FOXN3: variants seen among roughly 807,000 people sequenced by gnomAD.
FOXN3 encodes forkhead box N3.
FOXN3 carries 7 observed loss-of-function variants against 38.4 expected under a neutral mutation model. The ratio of observed to expected loss-of-function variants is 0.18; its 90% CI spans 0.10 to 0.34. The LOEUF (loss-of-function observed/expected upper bound fraction) is 0.34, where lower values mean the gene tolerates loss of function less well. Among genes scored for constraint, FOXN3 ranks in the 10% least tolerant of loss-of-function variants. The pLI is 1.00. For missense variants in FOXN3, 456 were observed against 613.4 expected (o/e 0.74, Z 2.71); for synonymous variants, 230 against 242.2 (o/e 0.95, Z 0.47).
chr14:89,419,941 G>A (rs1891856863), upstream of FOXN3: 1 of 152,292 alleles, frequency 6.6e-6, no homozygotes, highest in Non-Finnish European at 1.5e-5. Flanking sequence ...AAAATAGGAA[G>A]AGTCCGAGGC....
intron 2 of FOXN3, among the ~76,000 whole-genome samples, chr14:89,396,349 A>G (rs1401706901): frequency 2.6e-5 from 4 of 152,246 alleles, no homozygotes; most frequent in Admixed American, 1.3e-4. Context: ...AAAGAGCATC[A>G]GGCCAAGGGG....
chr14:89,168,621 C>A (rs150073531), intron 5 of FOXN3, among the ~76,000 whole-genome samples: 1 of 152,136 alleles, frequency 6.6e-6, no homozygotes, highest in South Asian at 2.1e-4. Flanking sequence ...TTGGATGAGA[C>A]GGAACACAGA....
intron 3 of FOXN3, among the ~76,000 whole-genome samples, chr14:89,302,752 G>A (rs1273601133): frequency 6.6e-6 from 1 of 152,190 alleles, no homozygotes; most frequent in Non-Finnish European, 1.5e-5. Flanking sequence ...TCGGGTCTGA[G>A]AAGGTATGCT....
chr14:89,441,254 G>T (rs1332548068), intron 1 of FOXN3, among the ~76,000 whole-genome samples: 1 of 152,070 alleles, frequency 6.6e-6, no homozygotes, highest in East Asian at 1.9e-4. Flanking sequence ...CTTTGTGACT[G>T]AAGAACTCCC....
intron 4 of FOXN3, among the ~76,000 whole-genome samples, chr14:89,278,219 G>A (rs979986530): frequency 1.5e-4 from 23 of 152,154 alleles, no homozygotes; most frequent in Non-Finnish European, 2.6e-4. Context: ...CTTACATGGC[G>A]ACAGACAAGG....
At chr14:89,416,409 G>A (rs1891725706) in intron 1 of FOXN3, among the ~76,000 whole-genome samples, 1 of 152,222 alleles carries the variant, frequency 6.6e-6, no homozygotes, top group South Asian at 2.1e-4. Flanking sequence ...GGCCCAAGGA[G>A]GGTTTCAAAC....
chr14:89,525,118 T>C (rs762544693), intron 1 of FOXN3, among the ~76,000 whole-genome samples: 4 of 152,114 alleles, frequency 2.6e-5, no homozygotes, highest in African/African-American at 4.8e-5. Context: ...CAAGTCCATC[T>C]TGAATAGGGG....
At chr14:89,511,911 T>A (rs1894101996) in intron 1 of FOXN3, among the ~76,000 whole-genome samples, 1 of 152,170 alleles carries the variant, frequency 6.6e-6, no homozygotes, top group African/African-American at 2.4e-5. Context: ...TCAGATCTCA[T>A]GAGCACTCAC....
chr14:89,231,509 C>A (rs894637840), intron 4 of FOXN3, among the ~76,000 whole-genome samples: 4 of 151,962 alleles, frequency 2.6e-5, no homozygotes, highest in African/African-American at 9.7e-5. Flanking sequence ...GGGTCTCGGT[C>A]CACTATGGAG....
chr14:89,218,052 T>G (rs151243872), intron 4 of FOXN3, among the ~76,000 whole-genome samples: 180 of 152,362 alleles, frequency 1.2e-3, no homozygotes, highest in African/African-American at 4.2e-3. Context: ...ACACATACTC[T>G]TTTAGCAAAA....
intron 1 of FOXN3, among the ~76,000 whole-genome samples, chr14:89,553,945 G>A (rs1310194537): frequency 2.0e-5 from 3 of 151,770 alleles, no homozygotes; most frequent in Non-Finnish European, 4.4e-5. Flanking sequence ...CAAGACAGAG[G>A]GTAGAAAGAA....
At position 89,404,649 on chromosome 14, in the gene FOXN3, C is replaced by A. The variant is rs1891342158; in HGVS notation, c.543+7285G>T. Among the ~76,000 whole-genome samples, 4 of 152,036 alleles carry A rather than the reference C, an allele frequency of 2.6e-5. No homozygotes were observed. The South Asian group carries it at 6.2e-4, about 24-fold the overall frequency. On this transcript the variant is annotated intron_variant, in intron 2 of 5. Coordinates refer to ENST00000557258, the MANE Select transcript of FOXN3 (RefSeq NM_005197.4). ...TTTTATTTCTGGCCCCTCAGAGACCCTGGTAAACTCTCAACCTTCTGAGGT... is the reference window on the plus strand; with the variant it reads ...TTTTATTTCTGGCCCCTCAGAGACCATGGTAAACTCTCAACCTTCTGAGGT...
chr14:89,412,420 G>T lies in FOXN3; in HGVS notation c.57C>A (p.Ser19=). Residue 19 remains serine, a synonymous_variant, in exon 2 of 6, where the codon TCC becomes TCA. Coordinates refer to ENST00000557258, the MANE Select transcript of FOXN3 (RefSeq NM_005197.4). This position sits in a 1 kb window ranked among gnomAD's most constrained non-coding sequence, Gnocchi z 4.7. ...KKPESSGISV[S]SGLSQCYGGS... is the part of the protein sequence containing the mutation. ...CCCCGTAACACTGACTCAGTCCACT[G>T]GAGACACTAATTCCTGAGCTTTCTG... 1 of 1,613,956 alleles carries T rather than the reference G, an allele frequency of 6.2e-7. No homozygotes were observed.
intron 1 of FOXN3, among the ~76,000 whole-genome samples, chr14:89,542,158 A>T (rs956557849): frequency 1.3e-5 from 2 of 152,214 alleles, no homozygotes; most frequent in African/African-American, 4.8e-5. Context: ...ATACTTGTAT[A>T]TATGGGGAGA....
chr14:89,357,181 T>C (rs1889263919), intron 2 of FOXN3, among the ~76,000 whole-genome samples: 1 of 152,166 alleles, frequency 6.6e-6, no homozygotes. Flanking sequence ...TGAGACCCCA[T>C]GTCTACAAAA....
chr14:89,299,909 A>T (rs905233841), intron 3 of FOXN3, among the ~76,000 whole-genome samples: 1 of 152,210 alleles, frequency 6.6e-6, no homozygotes, highest in African/African-American at 2.4e-5. Flanking sequence ...AAGAGCAAAC[A>T]CATGGTGAGT....
intron 3 of FOXN3, among the ~76,000 whole-genome samples, chr14:89,298,755 C>T (rs1437333178): frequency 2.0e-5 from 3 of 152,222 alleles, no homozygotes; most frequent in Non-Finnish European, 4.4e-5. Context: ...CCATCCTGTC[C>T]TCCAAGAGGC....
At chr14:89,209,426 C>T (rs1046373937) in intron 4 of FOXN3, among the ~76,000 whole-genome samples, 3 of 152,186 alleles carry the variant, frequency 2.0e-5, no homozygotes, top group African/African-American at 4.8e-5. Flanking sequence ...AATTCCTTCC[C>T]GGCTGAAAGG....
At chr14:89,269,790 C>A (rs1355448613) in intron 4 of FOXN3, among the ~76,000 whole-genome samples, 5 of 152,058 alleles carry the variant, frequency 3.3e-5, no homozygotes, top group African/African-American at 9.7e-5. Context: ...ATGCCATGAA[C>A]CCCGACTATG....
Sources: allele counts gnomAD v4.1 joint callset (sites outside exome capture counted in the v4.1 genomes callset), GRCh38; gene constraint gnomAD v4.1.1; non-coding constraint Gnocchi (gnomAD v3.1); transcripts MANE v1.5; gene names NCBI Gene and HGNC (gene_info 2026-07-23, HGNC 2026-07-21).